ZNF557: variants seen among roughly 807,000 people sequenced by gnomAD.
ZNF557 encodes the protein CTB-25J19.9.
A neutral mutation model predicts 21.2 loss-of-function variants in ZNF557; 19 were observed. The ratio of observed to expected loss-of-function variants is 0.90; its 90% CI spans 0.63 to 1.32. The LOEUF is 1.32. Ranked by LOEUF, ZNF557 falls within the 40% of genes most tolerant of loss-of-function variation. The pLI is 0.00. For synonymous variants in ZNF557, 207 were observed against 194.8 expected (o/e 1.06, Z -0.52); for missense variants, 487 against 519.8 (o/e 0.94, Z 0.61).
chr19:7,082,503 C>A (rs1325468155), intron 7 of ZNF557, among the ~76,000 whole-genome samples: 1 of 151,268 alleles, frequency 6.6e-6, no homozygotes, highest in African/African-American at 2.4e-5. Context: ...AGTAGTACCT[C>A]TGGAGAGATA....
At chr19:7,072,665 C>A (rs927252205) in intron 2 of ZNF557, among the ~76,000 whole-genome samples, 3 of 152,326 alleles carry the variant, frequency 2.0e-5, no homozygotes, top group Admixed American at 6.5e-5. Flanking sequence ...AAGACCCTAC[C>A]TCGACTCTCA....
intron 1 of ZNF557, among the ~76,000 whole-genome samples, chr19:7,070,102 C>T (rs893807784): frequency 1.3e-5 from 2 of 152,102 alleles, no homozygotes; most frequent in African/African-American, 2.4e-5. Context: ...TCCTGCAGCG[C>T]GTAAAGCAGC....
At chr19:7,073,444 C>G (rs543644095) in intron 2 of ZNF557, among the ~76,000 whole-genome samples, 1 of 152,322 alleles carries the variant, frequency 6.6e-6, no homozygotes, top group African/African-American at 2.4e-5. Context: ...GCGTGAGCCA[C>G]TGTGCCTGGC....
chr19:7,080,894 G>A (rs957826704), intron 5 of ZNF557, among the ~76,000 whole-genome samples: 1 of 152,088 alleles, frequency 6.6e-6, no homozygotes, highest in Non-Finnish European at 1.5e-5. Flanking sequence ...ACATTACTTC[G>A]TTTAAGTCCT....
intron 7 of ZNF557, among the ~76,000 whole-genome samples, chr19:7,082,589 A>G (rs1481659391): frequency 6.6e-6 from 1 of 152,212 alleles, no homozygotes; most frequent in African/African-American, 2.4e-5. Context: ...TCCCACAAGT[A>G]AATATTTCCA....
At position 7,075,677 on chromosome 19, in the gene ZNF557, C is replaced by T. The variant is rs771369294; in HGVS notation, c.54C>T (p.Ala18=). 5.0e-6 allele frequency: 8 copies of T among 1,613,596 alleles called. No homozygotes were observed. The African/African-American group carries it at 9.3e-5, about 19-fold the overall frequency. The change falls in exon 4 of 8, where the codon GCC becomes GCT. Residue 18 remains alanine (A), a synonymous_variant. Transcript: ENST00000252840. The stretch of plus-strand genomic sequence containing the variant: ...CAGCTCTGTCTTCCCTGTTCCCAGC[C>T]TCTCAGCGAGAAGGACACACAGAGG... The part of the protein sequence containing the change: ...PTAALSSLFP[A]SQREGHTEGG...
At chr19:7,079,610 C>T (rs1402226108) in intron 5 of ZNF557, among the ~76,000 whole-genome samples, 1 of 152,100 alleles carries the variant, frequency 6.6e-6, no homozygotes, top group Non-Finnish European at 1.5e-5. Context: ...TACAATATGG[C>T]AGTTCTTTAA....
intron 2 of ZNF557, among the ~76,000 whole-genome samples, chr19:7,073,655 G>A (rs1977510200): frequency 6.6e-6 from 1 of 152,056 alleles, no homozygotes; most frequent in Non-Finnish European, 1.5e-5. Context: ...ATGGGAAAGA[G>A]CCTCCCATCT....
chr19:7,075,565 G>A lies in ZNF557; in HGVS notation c.32-90G>A. The A allele has an allele frequency of 7.7e-6, 10 of 1,305,886 alleles. No individual in the cohort carries two copies. In the South Asian group the frequency reaches 1.3e-4, roughly 17 times the overall value. The allele number at this position is 1,305,886 out of a possible 1,614,324, so 80.9% of individuals were successfully genotyped here. On this transcript the variant is annotated intron_variant, in intron 3 of 7. Coordinates refer to ENST00000252840, the MANE Select transcript of ZNF557 (RefSeq NM_024341.3). ...GGTGACTGTGTATGCATGGGGACCT[G>A]GTCGATCGCAGGCAGGTGGGGAAGC...
chr19:7,083,078 A>G lies in ZNF557; in HGVS notation c.627A>G (p.Glu209=). 6.2e-7 allele frequency: 1 copy of G among 1,614,080 alleles called. No homozygotes were observed. Among genetic ancestry groups the G allele is most frequent in the Non-Finnish European group, 8.5e-7 (1 of 1,179,964 alleles). ...KRIHNGEKPY[E]CNDCGKTFSS... ...TCCACAATGGGGAGAAACCCTATGA[A>G]TGCAATGACTGTGGGAAAACCTTCA... is the stretch of plus-strand genomic sequence containing the variant. Residue 209 remains glutamate (E), a synonymous_variant, in exon 8 of 8, where the codon GAA becomes GAG. Coordinates refer to ENST00000252840, the MANE Select transcript of ZNF557 (RefSeq NM_024341.3).
In ZNF557 at chr19:7,083,468, A is replaced by G. The variant is rs200373298; in HGVS notation, c.1017A>G (p.Ile339Met). Residue 339 changes from isoleucine to methionine, a missense_variant, in exon 8 of 8, where the codon ATA becomes ATG. By Grantham distance (10) the Ile-to-Met change is conservative. Coordinates refer to ENST00000252840, the MANE Select transcript of ZNF557 (RefSeq NM_024341.3). ...GGAGGTCGAATCTGACACAGCACAT[A>G]AGAACTCATACTGGAGAAAAACCCT... ...FRRRSNLTQHIRTHTGEKPYT... is the reference protein window; with the variant it reads ...FRRRSNLTQHMRTHTGEKPYT... 1.6e-4 allele frequency: 258 copies of G among 1,614,048 alleles called. No individual in the cohort carries two copies. Among genetic ancestry groups the G allele is most frequent in the Non-Finnish European group, 2.1e-4 (252 of 1,180,016 alleles).
intron 2 of ZNF557, among the ~76,000 whole-genome samples, chr19:7,073,522 T>C (rs568153966): frequency 1.3e-5 from 2 of 152,244 alleles, no homozygotes; most frequent in African/African-American, 4.8e-5. Flanking sequence ...AGTACAAATA[T>C]ATAAACTTTT....
Position 7,083,479 on chromosome 19 carries a change from C to G in ZNF557, c.1028C>G (p.Thr343Ser), listed in dbSNP as rs750937056. The part of the protein sequence containing the change: ...SNLTQHIRTH[T>S]GEKPYTCNEC... Reference sequence around the variant, plus strand: ...CTGACACAGCACATAAGAACTCATACTGGAGAAAAACCCTACACATGTAAT... The same window carrying G: ...CTGACACAGCACATAAGAACTCATAGTGGAGAAAAACCCTACACATGTAAT... The change falls in exon 8 of 8, where the codon ACT becomes AGT. Residue 343 changes from threonine (T) to serine (S), a missense_variant. Thr to Ser is a moderately conservative substitution (Grantham distance 58, BLOSUM62 1). Coordinates refer to ENST00000252840, the MANE Select transcript of ZNF557 (RefSeq NM_024341.3). 1 of 1,614,190 alleles carries G rather than the reference C, an allele frequency of 6.2e-7. No individual in the cohort carries two copies. The highest frequency in any genetic ancestry group is 8.5e-7 in the Non-Finnish European group (1 of 1,180,038).
rs1167667833 is a variant in ZNF557 at position 7,083,270 on chromosome 19, C to G, written c.819C>G (p.Phe273Leu). Reference protein sequence around the residue: ...PYKCNQCFREFRTQSIFTRHK... With the variant: ...PYKCNQCFRELRTQSIFTRHK... The stretch of plus-strand genomic sequence containing the variant: ...AATGTAACCAGTGTTTTCGTGAGTT[C>G]CGCACTCAGTCAATCTTCACAAGGC... The change falls in exon 8 of 8, where the codon TTC becomes TTG. Residue 273 changes from phenylalanine (F) to leucine (L), a missense_variant. Transcript: ENST00000252840. 14 of 1,614,198 alleles carry G rather than the reference C, an allele frequency of 8.7e-6. No individual in the cohort carries two copies. Among genetic ancestry groups the G allele is most frequent in the Non-Finnish European group, 1.1e-5 (13 of 1,180,028 alleles).
In ZNF557 at chr19:7,070,195, G is replaced by A. The variant is rs534672639; in HGVS notation, c.-171-367G>A. Among the ~76,000 whole-genome samples, 5 of 152,308 alleles carry A rather than the reference G, an allele frequency of 3.3e-5. No homozygotes were observed. In the South Asian group the frequency reaches 1.0e-3, roughly 32 times the overall value. On this transcript the variant is annotated intron_variant, in intron 1 of 7. Coordinates refer to ENST00000252840, the MANE Select transcript of ZNF557 (RefSeq NM_024341.3). ...CCTGCTGGAGGGCATTAAAATCTCT[G>A]CAGTCCTGAATACACTGTAGAAATT...
At chr19:7,075,868 GA>G (rs1977578483) in intron 4 of ZNF557, 125 bp downstream of exon 4, 2 of 1,493,364 alleles carry the variant, frequency 1.3e-6, no homozygotes, top group Non-Finnish European at 8.9e-7. Context: ...GTCTCTGAGT[GA>G]GGGCTGCCCA....
At position 7,081,953 on chromosome 19, in the gene ZNF557, T is replaced by C; in HGVS notation, c.344-17T>C. The C allele has an allele frequency of 3.7e-6, 6 of 1,604,434 alleles. No individual in the cohort carries two copies. Among genetic ancestry groups the C allele is most frequent in the Non-Finnish European group, 5.1e-6 (6 of 1,172,502 alleles). On this transcript the variant is annotated splice_polypyrimidine_tract_variant and intron_variant, in intron 6 of 7. Coordinates refer to ENST00000252840, the MANE Select transcript of ZNF557 (RefSeq NM_024341.3). ...CCTCTTTTCTATCAACTTAAATTTC[T>C]TTTTAACTTGTTTCAGATGTGGAGA...
chr19:7,087,679 A>C lies in ZNF557; in HGVS notation c.*3935A>C, dbSNP rs1977894434. The C allele has an allele frequency of 6.7e-6, 1 of 148,578 alleles. No individual in the cohort carries two copies. Among genetic ancestry groups the C allele is most frequent in the Admixed American group, 6.7e-5 (1 of 14,852 alleles). 9.2% of individuals were successfully genotyped at this position (148,578 alleles called of 1,614,324 possible). On this transcript the variant is annotated 3_prime_UTR_variant, in exon 8 of 8. Coordinates refer to ENST00000252840, the MANE Select transcript of ZNF557 (RefSeq NM_024341.3). ...TCACAAGTAACCACTAATTGGTTAAAACCAAAGAGAGAGAGAGAGAGAGTG... is the reference window on the plus strand; with the variant it reads ...TCACAAGTAACCACTAATTGGTTAACACCAAAGAGAGAGAGAGAGAGAGTG...
In ZNF557 at chr19:7,083,435, C is replaced by CT; in HGVS notation, c.986dup (p.Arg330GlnfsTer22). ...ACGAATGCCACGATTGTGGGAGAAC[C>CT]TTCAGGAGGAGGTCGAATCTGACAC... On this transcript the variant is annotated frameshift_variant, in exon 8 of 8. Transcript: ENST00000252840. LOFTEE classifies it low-confidence loss of function (END_TRUNC). 2 of 1,614,146 alleles carry CT rather than the reference C, an allele frequency of 1.2e-6. No homozygotes were observed. Among genetic ancestry groups the CT allele is most frequent in the Non-Finnish European group, 1.7e-6 (2 of 1,180,034 alleles).
Sources: allele counts gnomAD v4.1 joint callset (sites outside exome capture counted in the v4.1 genomes callset), GRCh38; gene constraint gnomAD v4.1.1; transcripts MANE v1.5; gene names NCBI Gene and HGNC (gene_info 2026-07-23, HGNC 2026-07-21).